PLCB3: variants seen among roughly 807,000 people sequenced by gnomAD.
The protein encoded by PLCB3 is phospholipase C beta 3.
Under a neutral mutation model 152.1 loss-of-function variants are expected in PLCB3, and 54 were observed. The observed-to-expected ratio is 0.36, with a 90% CI of 0.29 to 0.45. The LOEUF is 0.45. Ranked by LOEUF, PLCB3 falls within the 20% of genes least tolerant of loss-of-function variation. The probability of loss-of-function intolerance (pLI) is 1.00; values close to 1 mark genes in which losing one functional copy is unlikely to be tolerated. For missense variants in PLCB3, 1,248 were observed against 1,687.5 expected, an observed-to-expected ratio of 0.74 and a Z score of 4.56; for synonymous variants, 717 against 698.7, an observed-to-expected ratio of 1.03 and a Z score of -0.41.
downstream of PLCB3, chr11:64,268,671 C>G (rs2032263364): frequency 6.6e-6 from 1 of 152,404 alleles, no homozygotes; most frequent in Admixed American, 6.5e-5. Flanking sequence ...AGAGAGCCCA[C>G]AGTGCGGGCT....
chr11:64,262,075 C>G lies in PLCB3; in HGVS notation c.2037C>G (p.Leu679=), dbSNP rs141269798. 1.9e-6 allele frequency: 3 copies of G among 1,614,096 alleles called. No individual in the cohort carries two copies. Among genetic ancestry groups the G allele is most frequent in the East Asian group, 4.5e-5 (2 of 44,892 alleles). ...CQLVALNFQT[L]DVAMQLNAGV... ...TTGTTGCGCTCAACTTCCAGACCCT[C>G]GGTGAGCCCTGGCCCCCTCCATCTT... The change falls in exon 17 of 31, where the codon CTC becomes CTG. Residue 679 remains leucine, a splice_region_variant and synonymous_variant. Coordinates refer to ENST00000279230, the MANE Select transcript of PLCB3 (RefSeq NM_000932.5).
chr11:64,253,352 G>A (rs756308016), intron 1 of PLCB3, among the ~76,000 whole-genome samples: 23 of 152,230 alleles, frequency 1.5e-4, no homozygotes, highest in Non-Finnish European at 3.2e-4. Flanking sequence ...CTGTAAAATG[G>A]GAGTGACAAC....
At chr11:64,264,445 G>T (rs1329617750) in intron 22 of PLCB3, among the ~76,000 whole-genome samples, 1 of 152,172 alleles carries the variant, frequency 6.6e-6, no homozygotes, top group African/African-American at 2.4e-5. Context: ...GAGGGGTCAG[G>T]CACGGAGGTT....
downstream of PLCB3, among the ~76,000 whole-genome samples, chr11:64,268,268 G>A (rs968489862): frequency 5.3e-5 from 8 of 152,298 alleles, no homozygotes; most frequent in African/African-American, 1.9e-4. Context: ...CTTCCGCTGG[G>A]GCTGCTCTGG....
At chr11:64,264,768 G>T (rs1363349740) in intron 22 of PLCB3, among the ~76,000 whole-genome samples, 183 bp from the exon 23 acceptor site, 1 of 152,154 alleles carries the variant, frequency 6.6e-6, no homozygotes, top group Non-Finnish European at 1.5e-5. Context: ...TGGAAAAGGG[G>T]TTTAGAAAGG....
chr11:64,268,088 T>G (rs968369266), downstream of PLCB3, among the ~76,000 whole-genome samples: 1 of 151,974 alleles, frequency 6.6e-6, no homozygotes, highest in Non-Finnish European at 1.5e-5. Context: ...TTCCGTGGCC[T>G]TCTGCTTGTG....
intron 17 of PLCB3, 57 bp downstream of exon 17, chr11:64,262,133 C>T (rs1473660986): frequency 1.9e-6 from 3 of 1,607,192 alleles, no homozygotes; most frequent in Non-Finnish European, 2.6e-6. Flanking sequence ...GACTTCTGAC[C>T]CACGATCCTG....
chr11:64,260,772 C>CAAAAAAA (rs10689916), intron 14 of PLCB3, among the ~76,000 whole-genome samples: 8 of 71,568 alleles, frequency 1.1e-4, no homozygotes, highest in Admixed American at 1.8e-4. Context: ...GACACTATCT[C>CAAAAAAA]AAAAAAAAAA....
chr11:64,262,658 G>A lies in PLCB3; in HGVS notation c.2205G>A (p.Gly735=), dbSNP rs202190478. ...TGGCCCACCCCCAGGTGATCTCAGG[G>A]CAGTTCCTGTCCGACAGGAAGGTGG... is the stretch of plus-strand genomic sequence containing the variant. The part of the protein sequence containing the change: ...ANALRVKVIS[G]QFLSDRKVGI... The change falls in exon 19 of 31, where the codon GGG becomes GGA. Residue 735 remains glycine (G), a synonymous_variant. Transcript: ENST00000279230. 2 of 1,613,996 alleles carry A rather than the reference G, an allele frequency of 1.2e-6. No individual in the cohort carries two copies. The highest frequency in any genetic ancestry group is 3.3e-5 in the Admixed American group (2 of 60,026).
rs753777988 is a variant in PLCB3, at chr11:64,266,468, G to A, written c.3357-27G>A. On this transcript the variant is annotated intron_variant, in intron 28 of 30. Transcript: ENST00000279230. The surrounding 1 kb of genome is among the most constrained non-coding windows in gnomAD (Gnocchi z 4.9). ...GAGGCAGGGCAGGTGTCTGGGCCCC[G>A]AGCCATCCTGCGTTGCTCCCGTGCA... 4.1e-5 allele frequency: 66 copies of A among 1,611,282 alleles called. No individual in the cohort carries two copies. In the East Asian group the frequency reaches 9.1e-4, roughly 22 times the overall value.
rs1399472388 is a variant in PLCB3, at chr11:64,256,426, T to C, written c.749T>C (p.Ile250Thr). Residue 250 changes from isoleucine (I) to threonine (T), a missense_variant, in exon 9 of 31, where the codon ATC (isoleucine) becomes ACC (threonine). Physicochemically the swap from Ile to Thr is moderately conservative, Grantham distance 89 (BLOSUM62 -1). Transcript: ENST00000279230. ...YLTLEQLMDFINQKQRDPRLN... is the reference protein window; with the variant it reads ...YLTLEQLMDFTNQKQRDPRLN... ...ACGCTGGAGCAGCTCATGGACTTCATCAACCAGAAGCAACGCGACCCGAGA... is the reference window on the plus strand; with the variant it reads ...ACGCTGGAGCAGCTCATGGACTTCACCAACCAGAAGCAACGCGACCCGAGA... The C allele has an allele frequency of 6.2e-7, 1 of 1,613,710 alleles. No individual in the cohort carries two copies. Among genetic ancestry groups the C allele is most frequent in the Non-Finnish European group, 8.5e-7 (1 of 1,180,012 alleles).
Position 64,267,810 on chromosome 11 carries a change from C to T in PLCB3, c.*254C>T, listed in dbSNP as rs2032207395. 4.5e-6 allele frequency: 2 copies of T among 448,096 alleles called. No individual in the cohort carries two copies. Among genetic ancestry groups the T allele is most frequent in the African/African-American group, 4.1e-5 (2 of 48,660 alleles). 27.8% of individuals were successfully genotyped at this position (448,096 alleles called of 1,614,324 possible). A position where few individuals can be genotyped will look rare whatever the true frequency, so the allele number is the denominator to read the frequency against. On this transcript the variant is annotated 3_prime_UTR_variant, in exon 31 of 31. Transcript: ENST00000279230. The surrounding 1 kb of genome is among the most constrained non-coding windows in gnomAD (Gnocchi z 5.2). ...CACACCCTCGAGCTAGCAGCGTCTC[C>T]TCCCTTCCCCGGGAGAGCTGGCTGG... is the stretch of plus-strand genomic sequence containing the variant.
At chr11:64,264,800 T>C in intron 22 of PLCB3, 151 bp from the exon 23 acceptor site, 1 of 686,788 alleles carries the variant, frequency 1.5e-6, no homozygotes, top group Non-Finnish European at 2.6e-6. Context: ...GCTCTTCTCA[T>C]GCAGACAGCC....
chr11:64,254,534 C>T, intron 2 of PLCB3, 42 bp downstream of exon 2: 2 of 1,582,362 alleles, frequency 1.3e-6, no homozygotes, highest in Non-Finnish European at 8.7e-7. Flanking sequence ...GCCAAGGACC[C>T]CTGTCCCAGA....
intron 1 of PLCB3, among the ~76,000 whole-genome samples, chr11:64,252,663 C>A (rs891692998): frequency 4.6e-5 from 7 of 152,036 alleles, no homozygotes; most frequent in African/African-American, 1.7e-4. Flanking sequence ...TGGCCTGAAG[C>A]GGCAGGTGTG....
rs776591631 is a variant in PLCB3 at position 64,256,406 on chromosome 11, G to A, written c.729G>A (p.Leu243=). ...IGAKGKPYLT[L]EQLMDFINQK... is the part of the protein sequence containing the mutation. ...CCAAGGGCAAGCCATACCTGACGCT[G>A]GAGCAGCTCATGGACTTCATCAACC... is the stretch of plus-strand genomic sequence containing the variant. The change falls in exon 9 of 31, where the codon CTG becomes CTA. Residue 243 remains leucine, a synonymous_variant. Transcript: ENST00000279230. 1.0e-4 allele frequency: 162 copies of A among 1,613,564 alleles called. No individual in the cohort carries two copies. The highest frequency in any genetic ancestry group is 6.6e-4 in the Middle Eastern group (4 of 6,084).
chr11:64,263,552 A>G lies in PLCB3; in HGVS notation c.2410A>G (p.Lys804Glu). 1 of 1,601,946 alleles carries G rather than the reference A, an allele frequency of 6.2e-7. No homozygotes were observed. Among genetic ancestry groups the G allele is most frequent in the Non-Finnish European group, 8.5e-7 (1 of 1,174,328 alleles). ...CATTGCAGCCTTTGAGGAGGGGGGT[A>G]AATTCGTAGGGCACCGGATCCTGCC... Reference protein sequence around the residue: ...LRIAAFEEGGKFVGHRILPVS... With the variant: ...LRIAAFEEGGEFVGHRILPVS... The change falls in exon 20 of 31, where the codon AAA becomes GAA. Residue 804 changes from lysine to glutamate, a missense_variant. By Grantham distance (56) the Lys-to-Glu change is moderately conservative (BLOSUM62 1). Around this residue, in one of 6 missense-constraint regions of PLCB3, gnomAD observed 244 missense variants for 424.4 expected, o/e 0.57. Coordinates refer to ENST00000279230, the MANE Select transcript of PLCB3 (RefSeq NM_000932.5).
intron 14 of PLCB3, 22 bp downstream of exon 14, chr11:64,260,256 G>T: frequency 6.6e-7 from 1 of 1,518,940 alleles, no homozygotes; most frequent in Non-Finnish European, 8.9e-7. Flanking sequence ...AGGGTGGGCA[G>T]GTCGGGGAGG....
downstream of PLCB3, among the ~76,000 whole-genome samples, chr11:64,268,316 C>A (rs571879199): frequency 2.4e-3 from 361 of 152,272 alleles, 1 homozygote; most frequent in African/African-American, 8.4e-3. Flanking sequence ...GGTGATGGAT[C>A]GGCCAGGGTG....
Sources: gnomAD v4.1 joint callset for allele counts (sites outside exome capture counted in the v4.1 genomes callset) on GRCh38, gnomAD v4.1.1 for gene constraint, gnomAD v4.1.1 regional missense constraint, Gnocchi (gnomAD v3.1) non-coding constraint, MANE v1.5 for transcripts, NCBI Gene and HGNC (gene_info 2026-07-23, HGNC 2026-07-21) for gene names.